ARHGAP15: variants seen among roughly 807,000 people sequenced by gnomAD.
The protein encoded by ARHGAP15 is rho GTPase-activating protein 15.
In ARHGAP15, 51 loss-of-function variants were observed where a neutral mutation model predicts 63.7. That is an observed-to-expected ratio of 0.80 (90% CI 0.64 to 1.01). ARHGAP15 has a LOEUF of 1.01. ARHGAP15 is among the 50% of genes least tolerant of loss of function. The pLI is 0.00. For missense variants in ARHGAP15, 560 were observed against 564.6 expected (o/e 0.99, Z 0.08); for synonymous variants, 191 against 193.8 (o/e 0.99, Z 0.12).
At chr2:143,505,815 C>T (rs1693287492) in intron 9 of ARHGAP15, among the ~76,000 whole-genome samples, 1 of 152,122 alleles carries the variant, frequency 6.6e-6, no homozygotes, top group South Asian at 2.1e-4. Context: ...CTAAAGAATG[C>T]CTTTAACAGA....
rs144130835 is a variant in ARHGAP15 at position 143,175,022 on chromosome 2, T to A, written c.165+19367T>A. Among the ~76,000 whole-genome samples the A allele has an allele frequency of 3.5e-3, 529 of 152,300 alleles. 5 individuals are homozygous for A. The highest frequency in any genetic ancestry group is 0.012 in the African/African-American group (508 of 41,558). On this transcript the variant is annotated intron_variant, in intron 2 of 13. Transcript: ENST00000295095. ...TCCAAGTTTTAAATCAACTTTATAT[T>A]GTAGACTATTAATTTTCCCAATGAA...
rs1449402522 is a variant in ARHGAP15, at chr2:143,435,750, A to C, written c.573+51A>C. 1.9e-6 allele frequency: 3 copies of C among 1,544,818 alleles called. No individual in the cohort carries two copies. The South Asian group carries it at 3.5e-5, about 18-fold the overall frequency. On this transcript the variant is annotated intron_variant, in intron 7 of 13. Coordinates refer to ENST00000295095, the MANE Select transcript of ARHGAP15 (RefSeq NM_018460.4). The stretch of plus-strand genomic sequence containing the variant: ...TTTATTAATTAAAATGTAGTCATTT[A>C]AATCTTATTGCTCAGGCATATAACA...
intron 2 of ARHGAP15, among the ~76,000 whole-genome samples, chr2:143,181,427 T>G (rs925633108): frequency 6.6e-6 from 1 of 152,216 alleles, no homozygotes; most frequent in Non-Finnish European, 1.5e-5. Context: ...GATGACATAT[T>G]TCATATAAAG....
chr2:143,302,129 C>T (rs1186763692), intron 6 of ARHGAP15, among the ~76,000 whole-genome samples: 1 of 151,880 alleles, frequency 6.6e-6, no homozygotes, highest in Non-Finnish European at 1.5e-5. Context: ...TAGACGTAAC[C>T]TCTTTTACAT....
intron 8 of ARHGAP15, among the ~76,000 whole-genome samples, chr2:143,470,314 T>C (rs1691456950): frequency 6.7e-6 from 1 of 149,808 alleles, no homozygotes; most frequent in African/African-American, 2.4e-5. Context: ...AAAAGGGAAC[T>C]GAGAGCCTGG....
chr2:143,690,215 C>A (rs1483189879), intron 12 of ARHGAP15, among the ~76,000 whole-genome samples: 1 of 152,290 alleles, frequency 6.6e-6, no homozygotes, highest in East Asian at 1.9e-4. Context: ...GTAAGTTATT[C>A]TTAAATTTTT....
At chr2:143,625,668 G>A (rs1463860184) in intron 12 of ARHGAP15, among the ~76,000 whole-genome samples, 1 of 152,180 alleles carries the variant, frequency 6.6e-6, no homozygotes, top group Non-Finnish European at 1.5e-5. Flanking sequence ...AAACAAGCAG[G>A]CATTTCCATA....
intron 10 of ARHGAP15, among the ~76,000 whole-genome samples, chr2:143,532,275 C>G (rs889291500): frequency 1.3e-5 from 2 of 152,192 alleles, no homozygotes; most frequent in Non-Finnish European, 2.9e-5. Context: ...CTGCCAGCAC[C>G]TGTTACAGTA....
intron 12 of ARHGAP15, among the ~76,000 whole-genome samples, chr2:143,702,109 G>A (rs1574860438): frequency 6.6e-6 from 1 of 152,172 alleles, no homozygotes; most frequent in East Asian, 1.9e-4. Context: ...TTACATATTA[G>A]TCTTTTTTAT....
At chr2:143,561,110 G>C (rs1253663035) in intron 11 of ARHGAP15, among the ~76,000 whole-genome samples, 1 of 152,196 alleles carries the variant, frequency 6.6e-6, no homozygotes, top group Non-Finnish European at 1.5e-5. Context: ...GGAGGATGCT[G>C]CATGTCTTGA....
intron 12 of ARHGAP15, among the ~76,000 whole-genome samples, chr2:143,671,134 A>T (rs891135210): frequency 6.6e-6 from 1 of 152,262 alleles, no homozygotes; most frequent in African/African-American, 2.4e-5. Flanking sequence ...ATTAGTATGA[A>T]CAAGGTTCAT....
chr2:143,462,577 C>A (rs1003689497), intron 8 of ARHGAP15, among the ~76,000 whole-genome samples: 1 of 152,132 alleles, frequency 6.6e-6, no homozygotes, highest in East Asian at 1.9e-4. Flanking sequence ...AGATGAGCGT[C>A]CTTCTCCAAA....
chr2:143,711,905 A>G (rs934482271), intron 13 of ARHGAP15, among the ~76,000 whole-genome samples: 3 of 152,250 alleles, frequency 2.0e-5, no homozygotes, highest in Non-Finnish European at 4.4e-5. Flanking sequence ...ACTCTAGGCA[A>G]CAAAGCAAGA....
At chr2:143,297,987 T>A (rs1327824358) in intron 6 of ARHGAP15, among the ~76,000 whole-genome samples, 5 of 152,020 alleles carry the variant, frequency 3.3e-5, no homozygotes, top group Admixed American at 1.3e-4. Flanking sequence ...TTCCTCTACA[T>A]TCCTATGTCA....
chr2:143,476,237 G>A (rs560856330), intron 8 of ARHGAP15, among the ~76,000 whole-genome samples: 12 of 152,216 alleles, frequency 7.9e-5, no homozygotes, highest in African/African-American at 2.9e-4. Context: ...CCTAGTACTT[G>A]TGGAAAAGAC....
At chr2:143,508,729 C>T (rs904155253) in intron 9 of ARHGAP15, among the ~76,000 whole-genome samples, 1 of 28,536 alleles carries the variant, frequency 3.5e-5, no homozygotes, top group Middle Eastern at 0.016. Context: ...ATTTCATGCG[C>T]ACAGTGTCCC....
intron 6 of ARHGAP15, among the ~76,000 whole-genome samples, chr2:143,306,215 A>G (rs1220028854): frequency 6.6e-6 from 1 of 152,152 alleles, no homozygotes; most frequent in Non-Finnish European, 1.5e-5. Context: ...ATATTTACCA[A>G]AAATGTGAGA....
chr2:143,608,498 A>G (rs1698127138), intron 11 of ARHGAP15: 1 of 152,220 alleles, frequency 6.6e-6, no homozygotes, highest in African/African-American at 2.4e-5. Flanking sequence ...TAATTATGTA[A>G]AGCAATAGTT....
intron 12 of ARHGAP15, among the ~76,000 whole-genome samples, chr2:143,627,456 C>G (rs1698878115): frequency 6.6e-6 from 1 of 152,104 alleles, no homozygotes; most frequent in South Asian, 2.1e-4. Flanking sequence ...GAATGGCCAC[C>G]TAGATCCTTG....
Sources: gnomAD v4.1 joint callset for allele counts (sites outside exome capture counted in the v4.1 genomes callset) on GRCh38, gnomAD v4.1.1 for gene constraint, MANE v1.5 for transcripts, NCBI Gene and HGNC (gene_info 2026-07-23, HGNC 2026-07-21) for gene names.